The following RALGPS2 variants were observed in gnomAD, a reference collection of about 807,000 sequenced individuals.
RALGPS2 encodes the protein ras-specific guanine nucleotide-releasing factor RalGPS2.
A neutral mutation model predicts 86.8 loss-of-function variants in RALGPS2; 43 were observed. That is an observed-to-expected ratio of 0.50 (90% CI 0.39 to 0.64). The LOEUF (loss-of-function observed/expected upper bound fraction) is 0.64. Ranked by LOEUF, RALGPS2 falls within the 30% of genes least tolerant of loss-of-function variation. RALGPS2 has a pLI of 0.00. For synonymous variants in RALGPS2, 243 were observed against 231.3 expected, an observed-to-expected ratio of 1.05 and a Z score of -0.46; for missense variants, 536 against 694.6, an observed-to-expected ratio of 0.77 and a Z score of 2.57.
intron 14 of RALGPS2, among the ~76,000 whole-genome samples, chr1:178,891,944 A>G (rs1202131969): frequency 1.3e-5 from 2 of 151,972 alleles, no homozygotes; most frequent in African/African-American, 4.8e-5. Flanking sequence ...GGCTATAAAT[A>G]GCTCTTTAAT....
At chr1:178,757,826 C>A (rs935464889) in intron 1 of RALGPS2, among the ~76,000 whole-genome samples, 1 of 152,038 alleles carries the variant, frequency 6.6e-6, no homozygotes, top group Non-Finnish European at 1.5e-5. Flanking sequence ...AGGGAGGAGT[C>A]CCCCCTCCTT....
intron 8 of RALGPS2, among the ~76,000 whole-genome samples, chr1:178,874,412 A>C (rs1367089628): frequency 6.6e-6 from 1 of 152,174 alleles, no homozygotes; most frequent in African/African-American, 2.4e-5. Context: ...CACATGTGGC[A>C]AGTGGTTATA....
At chr1:178,805,859 T>C (rs1654717409) in intron 4 of RALGPS2, among the ~76,000 whole-genome samples, 1 of 152,170 alleles carries the variant, frequency 6.6e-6, no homozygotes, top group African/African-American at 2.4e-5. Flanking sequence ...AAATGTACTT[T>C]AGTTTTCTTT....
chr1:178,886,794 A>T (rs1459649413), intron 13 of RALGPS2, among the ~76,000 whole-genome samples: 2 of 152,236 alleles, frequency 1.3e-5, no homozygotes, highest in Admixed American at 1.3e-4. Context: ...GTAAGGGGAA[A>T]AAAACAAAAG....
At chr1:178,846,830 G>C (rs1656887797) in intron 8 of RALGPS2, among the ~76,000 whole-genome samples, 2 of 152,146 alleles carry the variant, frequency 1.3e-5, no homozygotes, top group Non-Finnish European at 2.9e-5. Flanking sequence ...GGCTTTAGCA[G>C]GAAAGTAATA....
At chr1:178,771,050 G>A (rs944762250) in intron 1 of RALGPS2, among the ~76,000 whole-genome samples, 1 of 151,430 alleles carries the variant, frequency 6.6e-6, no homozygotes, top group African/African-American at 2.4e-5. Context: ...TGTTGGCCAC[G>A]CTGGTCTCGA....
intron 1 of RALGPS2, among the ~76,000 whole-genome samples, chr1:178,727,302 C>T (rs1005436416): frequency 6.6e-6 from 1 of 151,912 alleles, no homozygotes; most frequent in African/African-American, 2.4e-5. Context: ...TGAGCTCAAG[C>T]GATCCTCCCG....
intron 13 of RALGPS2, among the ~76,000 whole-genome samples, 177 bp from the exon 14 acceptor site, chr1:178,889,465 T>C (rs1047359664): frequency 1.3e-5 from 2 of 152,036 alleles, no homozygotes; most frequent in African/African-American, 4.8e-5. Flanking sequence ...TTCCAATATA[T>C]TGCAAAATAA....
intron 8 of RALGPS2, chr1:178,869,112 AC>A (rs1405756314): frequency 2.0e-5 from 3 of 152,092 alleles, no homozygotes; most frequent in East Asian, 1.9e-4. Flanking sequence ...TAGAATACTT[AC>A]GTTTAAATTT....
intron 1 of RALGPS2, 98 bp from the exon 2 acceptor site, chr1:178,776,584 G>A (rs1235110347): frequency 2.1e-6 from 1 of 470,742 alleles, no homozygotes. Flanking sequence ...AGAGTTTAGT[G>A]AAGTTGAAAT....
intron 8 of RALGPS2, among the ~76,000 whole-genome samples, chr1:178,861,273 A>G (rs1657992162): frequency 6.6e-6 from 1 of 152,214 alleles, no homozygotes; most frequent in Non-Finnish European, 1.5e-5. Flanking sequence ...TAAAAAGTTA[A>G]TGTTTACATA....
intron 1 of RALGPS2, among the ~76,000 whole-genome samples, chr1:178,728,609 A>T (rs922913331): frequency 6.6e-6 from 1 of 152,128 alleles, no homozygotes; most frequent in African/African-American, 2.4e-5. Context: ...AAGATAATTC[A>T]AATAGCTTGA....
At chr1:178,835,392 C>CTTTTTT (rs71297889) in intron 8 of RALGPS2, among the ~76,000 whole-genome samples, 19 of 122,026 alleles carry the variant, frequency 1.6e-4, no homozygotes, top group South Asian at 2.7e-4. Flanking sequence ...TCTTTCTTTT[C>CTTTTTT]TTTTTTTTTT....
chr1:178,787,307 T>C (rs1211134378), intron 4 of RALGPS2, among the ~76,000 whole-genome samples: 2 of 152,168 alleles, frequency 1.3e-5, no homozygotes, highest in East Asian at 3.8e-4. Context: ...AGCAGAAATA[T>C]AGTATAAGCC....
intron 17 of RALGPS2, among the ~76,000 whole-genome samples, chr1:178,901,127 A>G (rs1660155280): frequency 6.6e-6 from 1 of 151,936 alleles, no homozygotes; most frequent in Admixed American, 6.6e-5. Context: ...TCTTTTTCCC[A>G]TTTCCTTTAA....
intron 1 of RALGPS2, among the ~76,000 whole-genome samples, chr1:178,756,089 T>A (rs1157526314): frequency 6.6e-6 from 1 of 152,218 alleles, no homozygotes; most frequent in Non-Finnish European, 1.5e-5. Flanking sequence ...GATGCATAGT[T>A]GGTCAGTATT....
At chr1:178,778,234 G>T (rs1176932470) in intron 2 of RALGPS2, among the ~76,000 whole-genome samples, 1 of 77,540 alleles carries the variant, frequency 1.3e-5, no homozygotes, top group Admixed American at 1.5e-4. Context: ...GTGGGCGAAG[G>T]ACATGAACAG....
At chr1:178,859,061 T>C (rs1043698651) in intron 8 of RALGPS2, among the ~76,000 whole-genome samples, 2 of 152,192 alleles carry the variant, frequency 1.3e-5, no homozygotes, top group Non-Finnish European at 2.9e-5. Context: ...CTTTCTGAAG[T>C]GACAGTAGGG....
chr1:178,853,743 C>T (rs776594711), intron 8 of RALGPS2: 19 of 1,603,944 alleles, frequency 1.2e-5, no homozygotes, highest in Non-Finnish European at 8.5e-7. Flanking sequence ...ATCCCACTGA[C>T]CGAATGCCCA....
Sources: gnomAD v4.1 joint callset for allele counts (sites outside exome capture counted in the v4.1 genomes callset) on GRCh38, gnomAD v4.1.1 for gene constraint, MANE v1.5 for transcripts, NCBI Gene and HGNC (gene_info 2026-07-23, HGNC 2026-07-21) for gene names.